Variants in JDP2 observed in about 807,000 individuals in gnomAD.
The protein encoded by JDP2 is progesterone receptor co-activator.
A neutral mutation model predicts 17.1 loss-of-function variants in JDP2; 9 were observed. The ratio of observed to expected loss-of-function variants is 0.53; its 90% CI spans 0.32 to 0.92. The LOEUF is 0.92. JDP2 is among the 40% of genes least tolerant of loss of function. The probability of loss-of-function intolerance (pLI) is 0.04; values close to 1 mark genes in which losing one functional copy is unlikely to be tolerated. For missense variants in JDP2, 179 were observed against 220.0 expected, an observed-to-expected ratio of 0.81 and a Z score of 1.18; for synonymous variants, 107 against 95.6, an observed-to-expected ratio of 1.12 and a Z score of -0.69.
chr14:75,442,245 A>G (rs1885389938), intron 2 of JDP2, among the ~76,000 whole-genome samples: 1 of 152,146 alleles, frequency 6.6e-6, no homozygotes, highest in African/African-American at 2.4e-5. Flanking sequence ...GAATTGCCAT[A>G]TTTAAAAGCC....
In JDP2 at chr14:75,454,877, C is replaced by T. The variant is rs1277001741; in HGVS notation, c.202-6549C>T. On this transcript the variant is annotated intron_variant, in intron 2 of 3. Coordinates refer to ENST00000651602, the MANE Select transcript of JDP2 (RefSeq NM_001135048.2). ...CAGGAGGAGCCAGGTTTTCTCGGTT[C>T]TGTGGGCCACATGTGTTGGAAGCTG... 2.0e-5 allele frequency among the ~76,000 whole-genome samples: 3 copies of T among 152,040 alleles called. No homozygotes were observed. In the East Asian group the frequency reaches 5.8e-4, roughly 30 times the overall value.
intron 2 of JDP2, among the ~76,000 whole-genome samples, chr14:75,448,704 C>G (rs558575608): frequency 6.6e-6 from 1 of 152,196 alleles, no homozygotes; most frequent in South Asian, 2.1e-4. Flanking sequence ...CAATTAATTA[C>G]GCTGCCGAGC....
chr14:75,430,805 C>T lies in JDP2; in HGVS notation c.-24+2553C>T, dbSNP rs1450054949. 3.3e-5 allele frequency among the ~76,000 whole-genome samples: 5 copies of T among 151,920 alleles called. No individual in the cohort carries two copies. The highest frequency in any genetic ancestry group is 9.7e-5 in the African/African-American group (4 of 41,340). On this transcript the variant is annotated intron_variant, in intron 1 of 3. Coordinates refer to ENST00000651602, the MANE Select transcript of JDP2 (RefSeq NM_001135048.2). The surrounding 1 kb of genome is among the most constrained non-coding windows in gnomAD (Gnocchi z 4.5). The stretch of plus-strand genomic sequence containing the variant: ...GTGCGTGTGCATGTGTGTGCACATG[C>T]GTTCTTGTGTGTGTGTGTGGTTTGG...
chr14:75,465,797 C>G (rs1389653108), intron 3 of JDP2, among the ~76,000 whole-genome samples: 1 of 152,218 alleles, frequency 6.6e-6, no homozygotes, highest in East Asian at 1.9e-4. Flanking sequence ...CCTTTGCCGA[C>G]CACAGTGTAG....
intron 2 of JDP2, among the ~76,000 whole-genome samples, chr14:75,459,549 G>A (rs1345645871): frequency 6.6e-6 from 1 of 152,214 alleles, no homozygotes; most frequent in Non-Finnish European, 1.5e-5. Flanking sequence ...GGGCCCAGGC[G>A]CTCTGTCCTG....
intron 3 of JDP2, among the ~76,000 whole-genome samples, chr14:75,469,051 C>T (rs1455745117): frequency 2.0e-5 from 3 of 152,218 alleles, no homozygotes; most frequent in East Asian, 1.9e-4. Context: ...AGAGGTGGGA[C>T]GTGAGTCTGG....
chr14:75,452,354 T>C (rs1481788912), intron 2 of JDP2, among the ~76,000 whole-genome samples: 1 of 152,142 alleles, frequency 6.6e-6, no homozygotes, highest in African/African-American at 2.4e-5. Flanking sequence ...GAGACCCACC[T>C]TGCAGATGTG....
At chr14:75,448,943 C>G (rs540002111) in intron 2 of JDP2, among the ~76,000 whole-genome samples, 74 of 152,332 alleles carry the variant, frequency 4.9e-4, no homozygotes, top group African/African-American at 1.8e-3. Flanking sequence ...TAAATTGCAT[C>G]CATCTCCTTA....
rs1886303096 is a variant in JDP2, at chr14:75,460,429, A to T, written c.202-997A>T. On this transcript the variant is annotated intron_variant, in intron 2 of 3. Transcript: ENST00000651602. ...AAGAAAGGAACATTGGGTATGGAGG[A>T]GCGGGGAAGATCTTAAATCCCAACA... is the stretch of plus-strand genomic sequence containing the variant. Among the ~76,000 whole-genome samples the T allele has an allele frequency of 5.3e-5, 8 of 152,306 alleles. No individual in the cohort carries two copies. In the South Asian group the frequency reaches 1.7e-3, roughly 32 times the overall value.
At chr14:75,464,550 C>T (rs761124959) in intron 3 of JDP2, among the ~76,000 whole-genome samples, 6 of 152,192 alleles carry the variant, frequency 3.9e-5, no homozygotes, top group African/African-American at 1.2e-4. Flanking sequence ...CCAAATAACA[C>T]GCCATTTTAT....
chr14:75,444,169 G>T (rs893867110), intron 2 of JDP2, among the ~76,000 whole-genome samples: 2 of 152,222 alleles, frequency 1.3e-5, no homozygotes, highest in Non-Finnish European at 1.5e-5. Context: ...CTCCCAAAGT[G>T]CTGGGATTAC....
At chr14:75,429,665 G>A (rs1182039331) in intron 1 of JDP2, among the ~76,000 whole-genome samples, 1 of 152,182 alleles carries the variant, frequency 6.6e-6, no homozygotes, top group Non-Finnish European at 1.5e-5. Context: ...CAGGTATCAG[G>A]TGTGAGCATG....
At chr14:75,451,474 G>A (rs902550253) in intron 2 of JDP2, among the ~76,000 whole-genome samples, 2 of 152,182 alleles carry the variant, frequency 1.3e-5, no homozygotes, top group Admixed American at 6.5e-5. Context: ...CTGGCACTTG[G>A]ATATTTGGGT....
At chr14:75,451,109 G>T (rs1247006171) in intron 2 of JDP2, among the ~76,000 whole-genome samples, 2 of 152,212 alleles carry the variant, frequency 1.3e-5, no homozygotes, top group African/African-American at 4.8e-5. Context: ...ACCACAGCAG[G>T]TGGGGCCAAG....
At chr14:75,439,151 G>T (rs1398326694) in intron 2 of JDP2, among the ~76,000 whole-genome samples, 1 of 152,182 alleles carries the variant, frequency 6.6e-6, no homozygotes, top group Non-Finnish European at 1.5e-5. Context: ...TCGTGGAGAA[G>T]GGTGTCTGGG....
intron 3 of JDP2, 111 bp from the exon 4 acceptor site, chr14:75,469,179 A>T: frequency 1.0e-6 from 1 of 970,492 alleles, no homozygotes; most frequent in Non-Finnish European, 1.5e-6. Context: ...TTCTTCCTGC[A>T]GAAAACAGGC....
chr14:75,446,849 A>G (rs543659815), intron 2 of JDP2, among the ~76,000 whole-genome samples: 69 of 152,332 alleles, frequency 4.5e-4, no homozygotes, highest in South Asian at 1.2e-3. Flanking sequence ...AAAATGGAGA[A>G]TAATAATATC....
Position 75,469,639 on chromosome 14 carries a change from C to A in JDP2, c.*164C>A. On this transcript the variant is annotated 3_prime_UTR_variant, in exon 4 of 4. Transcript: ENST00000651602. ...CCGAGCTTTTTTGTGAAACTCAGAT[C>A]AGCCACCCAGGAGGAAGAGCGGGCT... is the stretch of plus-strand genomic sequence containing the variant. 1.6e-6 allele frequency: 1 copy of A among 636,592 alleles called. No individual in the cohort carries two copies. Among genetic ancestry groups the A allele is most frequent in the Non-Finnish European group, 2.7e-6 (1 of 374,276 alleles). 39.4% of individuals were successfully genotyped at this position (636,592 alleles called of 1,614,324 possible).
intron 2 of JDP2, among the ~76,000 whole-genome samples, chr14:75,448,166 G>GATGCAA (rs1885692990): frequency 6.6e-6 from 1 of 152,168 alleles, no homozygotes; most frequent in African/African-American, 2.4e-5. Context: ...TGATGCAATT[G>GATGCAA]TAAGCCCTTA....
Sources: gnomAD v4.1 joint callset for allele counts (sites outside exome capture counted in the v4.1 genomes callset) on GRCh38, gnomAD v4.1.1 for gene constraint, Gnocchi (gnomAD v3.1) non-coding constraint, MANE v1.5 for transcripts, NCBI Gene and HGNC (gene_info 2026-07-23, HGNC 2026-07-21) for gene names.